FAT3: variants seen among roughly 807,000 people sequenced by gnomAD.
FAT3 encodes FAT atypical cadherin 3.
Under a neutral mutation model 310.2 loss-of-function variants are expected in FAT3, and 95 were observed. The observed-to-expected ratio is 0.31, with a 90% CI of 0.26 to 0.36. The LOEUF (loss-of-function observed/expected upper bound fraction) is 0.36, where lower values mean the gene tolerates loss of function less well. FAT3 is among the 10% of genes least tolerant of loss of function. The pLI is 1.00. For synonymous variants in FAT3, 2,314 were observed against 2,192.9 expected (o/e 1.06, Z -1.54); for missense variants, 5,408 against 5,715.6 (o/e 0.95, Z 1.74).
intron 4 of FAT3, among the ~76,000 whole-genome samples, chr11:92,719,988 G>A (rs1944816211): frequency 1.3e-5 from 2 of 152,200 alleles, no homozygotes; most frequent in South Asian, 4.1e-4. Context: ...GTCTCCTGTA[G>A]CACGTTTAAA....
intron 2 of FAT3, among the ~76,000 whole-genome samples, chr11:92,377,219 T>A (rs1949371883): frequency 6.6e-6 from 1 of 152,200 alleles, no homozygotes; most frequent in South Asian, 2.1e-4. Flanking sequence ...GGACGTATAA[T>A]GGCTAAGAGT....
intron 3 of FAT3, among the ~76,000 whole-genome samples, chr11:92,672,229 C>A (rs1287440837): frequency 2.6e-5 from 4 of 152,190 alleles, no homozygotes; most frequent in Admixed American, 2.6e-4. Context: ...TTCTCATCCC[C>A]AGACCTACTC....
intron 2 of FAT3, 110 bp downstream of exon 2, chr11:92,355,514 C>A: frequency 8.9e-7 from 1 of 1,119,704 alleles, no homozygotes; most frequent in Non-Finnish European, 1.3e-6. Flanking sequence ...AATGAGGTTG[C>A]ATTTGGTGCA....
intron 2 of FAT3, among the ~76,000 whole-genome samples, chr11:92,522,997 G>A (rs61901556): frequency 1.3e-5 from 2 of 152,066 alleles, no homozygotes; most frequent in Non-Finnish European, 2.9e-5. Context: ...GCACACACTG[G>A]ACAACATCTC....
At chr11:92,463,310 T>C (rs555487191) in intron 2 of FAT3, among the ~76,000 whole-genome samples, 177 of 152,316 alleles carry the variant, frequency 1.2e-3, no homozygotes, top group African/African-American at 3.9e-3. Flanking sequence ...TATTGAATCG[T>C]TAGTGTGTTT....
At chr11:92,674,726 G>A (rs191002605) in intron 3 of FAT3, among the ~76,000 whole-genome samples, 15 of 151,900 alleles carry the variant, frequency 9.9e-5, no homozygotes, top group East Asian at 3.9e-4. Context: ...ACGGGGTCTC[G>A]CTATGTTGCT....
intron 4 of FAT3, among the ~76,000 whole-genome samples, chr11:92,697,740 GGAGCA>G (rs998059999): frequency 1.3e-5 from 2 of 152,182 alleles, no homozygotes; most frequent in Non-Finnish European, 2.9e-5. Flanking sequence ...AGAAAGTTCA[GGAGCA>G]GAGCCCTGTG....
intron 2 of FAT3, among the ~76,000 whole-genome samples, chr11:92,471,345 A>G (rs2135150589): frequency 6.6e-6 from 1 of 152,282 alleles, no homozygotes; most frequent in South Asian, 2.1e-4. Context: ...GTTAACATAT[A>G]AAAAAGAAAT....
chr11:92,309,220 G>A (rs1410635210), intron 1 of FAT3, among the ~76,000 whole-genome samples: 1 of 136,342 alleles, frequency 7.3e-6, no homozygotes, highest in South Asian at 2.4e-4. Context: ...AGAGTGCACC[G>A]GCTTGGCGGT....
rs1265624798 is a variant in FAT3 at position 92,805,150 on chromosome 11, C to T, written c.8897-3C>T. On this transcript the variant is annotated splice_polypyrimidine_tract_variant and splice_region_variant and intron_variant, in intron 10 of 27. Coordinates refer to ENST00000525166, the MANE Select transcript of FAT3 (RefSeq NM_001367949.2). The stretch of plus-strand genomic sequence containing the variant: ...AAAAGCTCTTTTGTTTTTTTAACTG[C>T]AGGAGGAAACCCTCGAGGAAGGTTT... The T allele has an allele frequency of 1.1e-5, 17 of 1,603,934 alleles. No homozygotes were observed. The Admixed American group carries it at 2.7e-4, about 26-fold the overall frequency.
At chr11:92,740,455 G>T (rs1224073346) in intron 4 of FAT3, among the ~76,000 whole-genome samples, 1 of 152,194 alleles carries the variant, frequency 6.6e-6, no homozygotes, top group Non-Finnish European at 1.5e-5. Context: ...GAGGCGGAAT[G>T]ACTAGAACAT....
intron 3 of FAT3, among the ~76,000 whole-genome samples, chr11:92,634,027 C>A (rs193085399): frequency 6.6e-6 from 1 of 152,270 alleles, no homozygotes; most frequent in East Asian, 1.9e-4. Context: ...ACTTTTCAGT[C>A]CTTATGACAA....
chr11:92,554,594 G>A (rs1247305743), intron 3 of FAT3, among the ~76,000 whole-genome samples: 1 of 150,454 alleles, frequency 6.6e-6, no homozygotes, highest in Admixed American at 6.6e-5. Context: ...TAGTGCATGA[G>A]ATCAATGCTG....
chr11:92,891,288 G>A lies in FAT3; in HGVS notation c.*175G>A. On this transcript the variant is annotated 3_prime_UTR_variant, in exon 28 of 28. Coordinates refer to ENST00000525166, the MANE Select transcript of FAT3 (RefSeq NM_001367949.2). ...AACAAGCAAGCTTGATTCCAGTTGG[G>A]TGAAAATGAAAGGCTCAGAAATTGT... is the stretch of plus-strand genomic sequence containing the variant. 2 of 913,968 alleles carry A rather than the reference G, an allele frequency of 2.2e-6. No individual in the cohort carries two copies. The highest frequency in any genetic ancestry group is 3.6e-5 in the South Asian group (2 of 56,144). 56.6% of individuals were successfully genotyped at this position (913,968 alleles called of 1,614,324 possible). A position where few individuals can be genotyped will look rare whatever the true frequency, so the allele number is the denominator to read the frequency against.
At chr11:92,255,507 C>T (rs1322492906) in intron 1 of FAT3, among the ~76,000 whole-genome samples, 1 of 152,010 alleles carries the variant, frequency 6.6e-6, no homozygotes, top group Non-Finnish European at 1.5e-5. Context: ...GATTGAATCA[C>T]TGAGGAAACA....
chr11:92,256,715 C>T (rs1198047238), intron 1 of FAT3, among the ~76,000 whole-genome samples: 1 of 152,064 alleles, frequency 6.6e-6, no homozygotes, highest in African/African-American at 2.4e-5. Context: ...TGAAAAGCAT[C>T]ATGCATATGT....
intron 2 of FAT3, among the ~76,000 whole-genome samples, chr11:92,469,375 C>T (rs1951852481): frequency 6.6e-6 from 1 of 152,138 alleles, no homozygotes; most frequent in South Asian, 2.1e-4. Flanking sequence ...TCTGTCTCTT[C>T]TTGGCAAAAC....
intron 4 of FAT3, among the ~76,000 whole-genome samples, chr11:92,733,270 G>C (rs972972238): frequency 6.6e-6 from 1 of 152,068 alleles, no homozygotes; most frequent in African/African-American, 2.4e-5. Flanking sequence ...GGAAGGTTTG[G>C]GGGAAGACTC....
Position 92,798,729 on chromosome 11 carries a change from A to C in FAT3, c.5716A>C (p.Ser1906Arg). The change falls in exon 10 of 28, where the codon AGT (serine) becomes CGT (arginine). Residue 1906 changes from serine to arginine, a missense_variant. This residue lies in a region of FAT3 where 4,588 missense variants were observed against 4,809.8 expected (regional missense o/e 0.95). Transcript: ENST00000525166. ...TGTTGGAGTGGAGGTTCTGAAAGTT[A>C]GTGCCACAGATCCTGACTCTGAGGT... Reference protein sequence around the residue: ...TYVGVEVLKVSATDPDSEVPP... With the variant: ...TYVGVEVLKVRATDPDSEVPP... The C allele has an allele frequency of 6.2e-7, 1 of 1,613,868 alleles. No homozygotes were observed. Among genetic ancestry groups the C allele is most frequent in the Non-Finnish European group, 8.5e-7 (1 of 1,179,840 alleles).
Sources: gnomAD v4.1 joint callset for allele counts (sites outside exome capture counted in the v4.1 genomes callset) on GRCh38, gnomAD v4.1.1 for gene constraint, gnomAD v4.1.1 regional missense constraint, MANE v1.5 for transcripts, NCBI Gene and HGNC (gene_info 2026-07-23, HGNC 2026-07-21) for gene names.